The following RFWD3 variants were observed in gnomAD, a reference collection of about 807,000 sequenced individuals.
RFWD3 encodes the protein E3 ubiquitin-protein ligase RFWD3.
A neutral mutation model predicts 87.7 loss-of-function variants in RFWD3; 65 were observed. The ratio of observed to expected loss-of-function variants is 0.74; its 90% confidence interval spans 0.61 to 0.91. The LOEUF (loss-of-function observed/expected upper bound fraction) is 0.91. RFWD3 is among the 40% of genes least tolerant of loss of function. The pLI is 0.00. For missense variants in RFWD3, 1,078 were observed against 938.5 expected, an observed-to-expected ratio of 1.15 and a Z score of -1.94; for synonymous variants, 433 against 352.8, an observed-to-expected ratio of 1.23 and a Z score of -2.55.
At chr16:74,626,159 G>A (rs192028101) in intron 12 of RFWD3, among the ~76,000 whole-genome samples, 184 bp downstream of exon 12, 99 of 152,226 alleles carry the variant, frequency 6.5e-4, no homozygotes, top group African/African-American at 2.2e-3. Context: ...AAAGCAATAC[G>A]GAAAGCACGA....
chr16:74,657,480 T>TTC (rs1555528714), intron 2 of RFWD3, among the ~76,000 whole-genome samples: 3 of 148,494 alleles, frequency 2.0e-5, no homozygotes, highest in South Asian at 2.1e-4. Context: ...TTCTTTTTCT[T>TTC]TTTTTTTTTT....
At chr16:74,639,425 C>A (rs1959444160) in intron 6 of RFWD3, among the ~76,000 whole-genome samples, 1 of 152,182 alleles carries the variant, frequency 6.6e-6, no homozygotes, top group Admixed American at 6.5e-5. Flanking sequence ...ATCGTATATG[C>A]AATCTGTCAT....
intron 3 of RFWD3, among the ~76,000 whole-genome samples, chr16:74,651,396 T>C (rs1159685048): frequency 1.3e-5 from 2 of 152,120 alleles, no homozygotes; most frequent in Non-Finnish European, 2.9e-5. Context: ...GGTAGGTGGA[T>C]CTCTTGAGCT....
In RFWD3 at chr16:74,647,738, C is replaced by T. The variant is rs576663581; in HGVS notation, c.792+1394G>A. On this transcript the variant is annotated intron_variant, in intron 4 of 12. Transcript: ENST00000361070. ...TCCTGAGTAGCTGGGATTATATGCG[C>T]CTGCCAACATACCCAGCTAATCTTT... is the stretch of plus-strand genomic sequence containing the variant. Among the ~76,000 whole-genome samples the T allele has an allele frequency of 3.3e-5, 5 of 152,114 alleles. No homozygotes were observed. In the East Asian group the frequency reaches 9.7e-4, roughly 29 times the overall value.
At chr16:74,639,472 G>GT (rs756115980) in intron 6 of RFWD3, among the ~76,000 whole-genome samples, 19 of 152,208 alleles carry the variant, frequency 1.2e-4, no homozygotes, top group Non-Finnish European at 2.5e-4. Context: ...TGACTGTAAA[G>GT]TAAAAGGCTA....
chr16:74,636,832 T>TC (rs1009615554), intron 7 of RFWD3, among the ~76,000 whole-genome samples: 1 of 151,620 alleles, frequency 6.6e-6, no homozygotes, highest in Non-Finnish European at 1.5e-5. Context: ...TGCCTCAGCC[T>TC]CCTGAGTAGC....
chr16:74,657,402 T>G (rs968184610), intron 2 of RFWD3, among the ~76,000 whole-genome samples: 4 of 152,150 alleles, frequency 2.6e-5, no homozygotes, highest in African/African-American at 9.7e-5. Flanking sequence ...GCCAGTTGTT[T>G]CACTACTTCC....
At chr16:74,638,032 G>T in intron 6 of RFWD3, 62 bp from the exon 7 acceptor site, 2 of 1,098,944 alleles carry the variant, frequency 1.8e-6, no homozygotes, top group Non-Finnish European at 2.7e-6. Context: ...TTCCCATCCA[G>T]GTGGCAGAGT....
chr16:74,632,507 T>C lies in RFWD3; in HGVS notation c.1577+16A>G. On this transcript the variant is annotated intron_variant, in intron 9 of 12. Coordinates refer to ENST00000361070, the MANE Select transcript of RFWD3 (RefSeq NM_018124.4). ...CCAAAGAGCCCAGTCTCCACCTACT[T>C]CCCCAAATCACTCACCTGGTCAGTT... The C allele has an allele frequency of 6.2e-7, 1 of 1,613,282 alleles. No homozygotes were observed. The highest frequency in any genetic ancestry group is 2.2e-5 in the East Asian group (1 of 44,860).
chr16:74,636,277 C>T, intron 8 of RFWD3, 69 bp downstream of exon 8: 4 of 1,448,204 alleles, frequency 2.8e-6, no homozygotes, highest in Non-Finnish European at 3.8e-6. Flanking sequence ...TTGAATTTTC[C>T]AAAAGGCAAG....
intron 12 of RFWD3, among the ~76,000 whole-genome samples, chr16:74,624,459 G>A (rs890186090): frequency 2.6e-5 from 4 of 152,120 alleles, no homozygotes; most frequent in South Asian, 2.1e-4. Flanking sequence ...GCAGTGGCAC[G>A]ATCTTGGCTT....
At position 74,628,779 on chromosome 16, in the gene RFWD3, T is replaced by C. The variant is rs558461282; in HGVS notation, c.1755-113A>G. 5.4e-3 allele frequency: 4,337 copies of C among 805,728 alleles called. 27 individuals carry two copies. The highest frequency in any genetic ancestry group is 0.011 in the South Asian group (682 of 63,564). 49.9% of individuals were successfully genotyped at this position (805,728 alleles called of 1,614,324 possible). ...CTCTGCAGAGGAGGTTAAACGCCTTTAGTCACTATCCTCTGATATCTGATA... is the reference window on the plus strand; with the variant it reads ...CTCTGCAGAGGAGGTTAAACGCCTTCAGTCACTATCCTCTGATATCTGATA... On this transcript the variant is annotated intron_variant, in intron 10 of 12. Coordinates refer to ENST00000361070, the MANE Select transcript of RFWD3 (RefSeq NM_018124.4).
chr16:74,652,013 C>T lies in RFWD3; in HGVS notation c.628G>A (p.Val210Met), dbSNP rs781740786. The change falls in exon 3 of 13, where the codon GTG (valine) becomes ATG (methionine). Residue 210 changes from valine to methionine, a missense_variant. Val to Met is a conservative substitution (Grantham distance 21). Transcript: ENST00000361070. ...CTGTCAGAATCAGAACTACTAGACA[C>T]CTGCAACTCTTCAGATACAGGATTC... ...TRNPVSEELQ[V>M]SSSSDSDSDS... The T allele has an allele frequency of 3.7e-6, 6 of 1,614,102 alleles. No individual in the cohort carries two copies. The South Asian group carries it at 6.6e-5, about 18-fold the overall frequency.
At chr16:74,632,951 GCCACCACA>G (rs2144084216) in intron 8 of RFWD3, among the ~76,000 whole-genome samples, 1 of 152,114 alleles carries the variant, frequency 6.6e-6, no homozygotes, top group East Asian at 2.0e-4. Flanking sequence ...ACAGGCATGA[GCCACCACA>G]CCTGGCCTAT....
chr16:74,632,850 C>T (rs1032296322), intron 8 of RFWD3, 177 bp from the exon 9 acceptor site: 8 of 587,600 alleles, frequency 1.4e-5, no homozygotes, highest in Admixed American at 6.0e-5. Context: ...TGAGAGTTGG[C>T]CAGGCTGGAA....
intron 2 of RFWD3, among the ~76,000 whole-genome samples, chr16:74,654,378 A>T (rs1277643885): frequency 2.0e-5 from 3 of 151,084 alleles, no homozygotes; most frequent in Non-Finnish European, 4.4e-5. Context: ...TTCCTCTGTT[A>T]TTTAGGAGTG....
chr16:74,664,287 A>T (rs1286186356), intron 1 of RFWD3: 1 of 152,168 alleles, frequency 6.6e-6, no homozygotes, highest in African/African-American at 2.4e-5. Flanking sequence ...GTACAACGAC[A>T]GTCTCCCAAG....
chr16:74,633,578 G>A (rs188057720), intron 8 of RFWD3, among the ~76,000 whole-genome samples: 20 of 152,256 alleles, frequency 1.3e-4, no homozygotes, highest in African/African-American at 4.8e-4. Context: ...GTGACAAAAA[G>A]CAGTGACTGC....
intron 8 of RFWD3, 44 bp downstream of exon 8, chr16:74,636,302 G>A: frequency 6.6e-7 from 1 of 1,519,356 alleles, no homozygotes; most frequent in Non-Finnish European, 9.1e-7. Flanking sequence ...TAAATATATG[G>A]AGTCTAATAA....
Sources: allele counts gnomAD v4.1 joint callset (sites outside exome capture counted in the v4.1 genomes callset), GRCh38; gene constraint gnomAD v4.1.1; transcripts MANE v1.5; gene names NCBI Gene and HGNC (gene_info 2026-07-23, HGNC 2026-07-21).